Variants in DNAJC11 observed in about 807,000 individuals in gnomAD.
The protein encoded by DNAJC11 is DnaJ heat shock protein family (Hsp40) member C11, also known as dnaJ homolog subfamily C member 11.
DNAJC11 carries 15 observed loss-of-function variants against 78.6 expected under a neutral mutation model. That is an observed-to-expected ratio of 0.19 (90% CI 0.13 to 0.29). The LOEUF is 0.29. Ranked by LOEUF, DNAJC11 falls within the 10% of genes least tolerant of loss-of-function variation. DNAJC11 has a pLI of 1.00. For missense variants in DNAJC11, 547 were observed against 709.6 expected, an observed-to-expected ratio of 0.77 and a Z score of 2.60; for synonymous variants, 292 against 272.1, an observed-to-expected ratio of 1.07 and a Z score of -0.72.
Position 6,671,767 on chromosome 1 carries a change from C to G in DNAJC11, c.277-3957G>C, listed in dbSNP as rs375632230. 3.8e-4 allele frequency among the ~76,000 whole-genome samples: 58 copies of G among 152,144 alleles called. 1 individual carries two copies. The South Asian group carries it at 0.012, about 30-fold the overall frequency. ...CAGGATGGTCTTGTTCTCCTGACCT[C>G]GTGATCTGCCTGTCTTGGCCTCCCA... is the stretch of plus-strand genomic sequence containing the variant. On this transcript the variant is annotated intron_variant, in intron 3 of 15. Transcript: ENST00000377577.
chr1:6,649,185 C>T (rs572937842), intron 7 of DNAJC11, among the ~76,000 whole-genome samples: 7 of 144,974 alleles, frequency 4.8e-5, no homozygotes, highest in South Asian at 4.4e-4. Flanking sequence ...GGAAGCACTG[C>T]TTTTTTTTTT....
intron 10 of DNAJC11, among the ~76,000 whole-genome samples, chr1:6,643,241 TAGAA>T (rs1233555559): frequency 6.6e-6 from 1 of 151,738 alleles, no homozygotes; most frequent in South Asian, 2.1e-4. Flanking sequence ...GGAGCACGTT[TAGAA>T]AGAAAGAAGA....
intron 1 of DNAJC11, among the ~76,000 whole-genome samples, chr1:6,686,546 C>T (rs1322781618): frequency 6.6e-6 from 1 of 152,192 alleles, no homozygotes; most frequent in Non-Finnish European, 1.5e-5. Context: ...ACAGCAGGCT[C>T]CCTGGCTCAC....
chr1:6,643,794 G>A, intron 10 of DNAJC11, among the ~76,000 whole-genome samples: 1 of 152,182 alleles, frequency 6.6e-6, no homozygotes, highest in East Asian at 1.9e-4. Context: ...GGCTGCTGGA[G>A]CTCAGACGTA....
At chr1:6,678,182 G>A (rs986129408) in intron 3 of DNAJC11, among the ~76,000 whole-genome samples, 3 of 152,342 alleles carry the variant, frequency 2.0e-5, no homozygotes, top group Middle Eastern at 3.4e-3. Flanking sequence ...CGAAGGACAA[G>A]TCAGATGAGT....
intron 12 of DNAJC11, 130 bp downstream of exon 12, chr1:6,638,165 A>G: frequency 1.2e-6 from 1 of 859,648 alleles, no homozygotes; most frequent in Non-Finnish European, 1.8e-6. Flanking sequence ...CGCATCCCAC[A>G]ATAAAGACTA....
At chr1:6,699,663 T>C (rs946987236) in intron 1 of DNAJC11, among the ~76,000 whole-genome samples, 1 of 152,142 alleles carries the variant, frequency 6.6e-6, no homozygotes, top group Admixed American at 6.5e-5. Context: ...AGATGATGGG[T>C]TGATGGGTGC....
At chr1:6,661,755 T>C (rs1264788679) in intron 4 of DNAJC11, among the ~76,000 whole-genome samples, 10 of 152,192 alleles carry the variant, frequency 6.6e-5, no homozygotes, top group Non-Finnish European at 1.5e-4. Flanking sequence ...TCCAGGCAGT[T>C]TCATGACATC....
At chr1:6,676,786 C>T (rs534840126) in intron 3 of DNAJC11, among the ~76,000 whole-genome samples, 1 of 152,302 alleles carries the variant, frequency 6.6e-6, no homozygotes, top group Admixed American at 6.5e-5. Context: ...ATAGGATCCT[C>T]TTTTGCTTTT....
At chr1:6,690,009 C>CA (rs1256124358) in intron 1 of DNAJC11, among the ~76,000 whole-genome samples, 3 of 152,320 alleles carry the variant, frequency 2.0e-5, no homozygotes, top group East Asian at 1.9e-4. Flanking sequence ...AGGTTGGTAT[C>CA]AGACTCCCAT....
Position 6,652,687 on chromosome 1 carries a change from C to T in DNAJC11, c.630+142G>A, listed in dbSNP as rs976392585. The T allele has an allele frequency of 6.1e-6, 7 of 1,146,440 alleles. No homozygotes were observed. In the African/African-American group the frequency reaches 1.1e-4, roughly 18 times the overall value. The allele number at this position is 1,146,440 out of a possible 1,614,324, so 71.0% of individuals were successfully genotyped here. The stretch of plus-strand genomic sequence containing the variant: ...CTATTTTTCTTTTAGGACCAGTCAA[C>T]TTATGGAAGCTTGACACTTGGTACC... On this transcript the variant is annotated intron_variant, in intron 6 of 15. Coordinates refer to ENST00000377577, the MANE Select transcript of DNAJC11 (RefSeq NM_018198.4).
At chr1:6,665,028 G>A (rs1642273714) in intron 4 of DNAJC11, among the ~76,000 whole-genome samples, 1 of 152,162 alleles carries the variant, frequency 6.6e-6, no homozygotes. Flanking sequence ...GTCCTCTGTG[G>A]GGGGTCCAGC....
intron 1 of DNAJC11, among the ~76,000 whole-genome samples, chr1:6,691,577 G>A (rs1484632237): frequency 2.0e-5 from 3 of 152,078 alleles, no homozygotes; most frequent in Admixed American, 6.6e-5. Context: ...TCTGTCATTC[G>A]TGTTCATCCG....
In DNAJC11 at chr1:6,667,178, C is replaced by T. The variant is rs539383725; in HGVS notation, c.378+531G>A. Among the ~76,000 whole-genome samples the T allele has an allele frequency of 8.5e-5, 13 of 152,316 alleles. No homozygotes were observed. In the East Asian group the frequency reaches 1.9e-3, roughly 23 times the overall value. On this transcript the variant is annotated intron_variant, in intron 4 of 15. Transcript: ENST00000377577. ...CAAACAACCCAGTGACCGGTGGTCA[C>T]GGCACCAATGCCCTGGGGTGATGTG...
intron 7 of DNAJC11, 101 bp from the exon 8 acceptor site, chr1:6,646,079 C>T: frequency 3.4e-6 from 4 of 1,190,870 alleles, no homozygotes; most frequent in Non-Finnish European, 4.8e-6. Flanking sequence ...ACTGTCACGT[C>T]TATGCATCCC....
chr1:6,689,447 T>C (rs1642708995), intron 1 of DNAJC11, among the ~76,000 whole-genome samples: 1 of 152,132 alleles, frequency 6.6e-6, no homozygotes, highest in South Asian at 2.1e-4. Context: ...GAGGTGAATT[T>C]GAACACCTAG....
At chr1:6,639,878 C>A in intron 11 of DNAJC11, 24 bp downstream of exon 11, 1 of 1,607,314 alleles carries the variant, frequency 6.2e-7, no homozygotes, top group Non-Finnish European at 8.5e-7. Flanking sequence ...TGGCTAGTGA[C>A]ATGCCCATGA....
intron 3 of DNAJC11, among the ~76,000 whole-genome samples, chr1:6,677,209 C>T (rs1642479090): frequency 6.8e-6 from 1 of 146,456 alleles, no homozygotes; most frequent in African/African-American, 2.5e-5. Flanking sequence ...GGTAATCTTA[C>T]ATGATGGTGA....
intron 10 of DNAJC11, among the ~76,000 whole-genome samples, chr1:6,640,629 T>C (rs1641860895): frequency 6.6e-6 from 1 of 152,068 alleles, no homozygotes; most frequent in Non-Finnish European, 1.5e-5. Flanking sequence ...GTCAGGAATT[T>C]GAGACCAGCC....
Sources: gnomAD v4.1 joint callset for allele counts (sites outside exome capture counted in the v4.1 genomes callset) on GRCh38, gnomAD v4.1.1 for gene constraint, MANE v1.5 for transcripts, NCBI Gene and HGNC (gene_info 2026-07-23, HGNC 2026-07-21) for gene names.